The following ABCA13 variants were observed in gnomAD, a reference collection of about 807,000 sequenced individuals.
ABCA13 encodes ATP binding cassette subfamily A member 13, also known as ATP-binding cassette sub-family A member 13.
Under a neutral mutation model 478.7 loss-of-function variants are expected in ABCA13, and 476 were observed. The observed-to-expected ratio is 0.99, with a 90% CI of 0.92 to 1.07. The LOEUF is 1.07. Ranked by LOEUF, ABCA13 falls within the 50% of genes least tolerant of loss-of-function variation. The pLI, the probability that ABCA13 is intolerant of heterozygous loss-of-function variation, is 0.00. For synonymous variants in ABCA13, 2,252 were observed against 2,158.9 expected (o/e 1.04, Z -1.20); for missense variants, 6,060 against 5,910.6 (o/e 1.03, Z -0.83).
At chr7:48,312,314 C>T (rs55957312) in intron 24 of ABCA13, among the ~76,000 whole-genome samples, 5,940 of 152,258 alleles carry the variant, frequency 0.039, 358 homozygotes, top group African/African-American at 0.14. Flanking sequence ...GCTGGCATTT[C>T]CTCATTTATC....
chr7:48,331,623 A>G (rs761044404), intron 27 of ABCA13, among the ~76,000 whole-genome samples: 1 of 152,208 alleles, frequency 6.6e-6, no homozygotes, highest in Non-Finnish European at 1.5e-5. Flanking sequence ...AAAAACATGG[A>G]AAGATCGGTG....
At chr7:48,610,760 G>A (rs992154308) in intron 58 of ABCA13, among the ~76,000 whole-genome samples, 1 of 152,212 alleles carries the variant, frequency 6.6e-6, no homozygotes, top group Non-Finnish European at 1.5e-5. Context: ...AAGGCTTACT[G>A]CTTGCACTCT....
At chr7:48,199,474 G>A (rs1189764868) in intron 3 of ABCA13, among the ~76,000 whole-genome samples, 1 of 152,106 alleles carries the variant, frequency 6.6e-6, no homozygotes, top group Non-Finnish European at 1.5e-5. Context: ...TTTTATACGG[G>A]CACTAATCCT....
intron 58 of ABCA13, among the ~76,000 whole-genome samples, chr7:48,607,017 G>A (rs146944845): frequency 1.2e-3 from 178 of 152,274 alleles, no homozygotes; most frequent in African/African-American, 4.1e-3. Flanking sequence ...GGGTGAAACC[G>A]CGTACTGAAG....
chr7:48,645,402 T>G lies in ABCA13; in HGVS notation c.15082-15T>G. 6.5e-7 allele frequency: 1 copy of G among 1,544,036 alleles called. No individual in the cohort carries two copies. ...TATTCTTATAAGTAAACAACATTTT[T>G]ATGGTTTTTTTCAGGTATTTATTAA... On this transcript the variant is annotated splice_polypyrimidine_tract_variant and intron_variant, in intron 61 of 61. Coordinates refer to ENST00000435803, the MANE Select transcript of ABCA13 (RefSeq NM_152701.5).
Position 48,276,028 on chromosome 7 carries a change from A to T in ABCA13, c.6362A>T (p.Asp2121Val), listed in dbSNP as rs377487458. 1.9e-6 allele frequency: 3 copies of T among 1,610,130 alleles called. No homozygotes were observed. The African/African-American group carries it at 4.0e-5, about 22-fold the overall frequency. Residue 2121 changes from aspartate (D) to valine (V), a missense_variant, in exon 17 of 62, where the codon GAT becomes GTT. Asp to Val is a radical substitution (Grantham distance 152). Coordinates refer to ENST00000435803, the MANE Select transcript of ABCA13 (RefSeq NM_152701.5). ...TTGAAGACATTAGAAATTATTGAAG[A>T]TTTTCTATTGGTCACAAAAAACTGG... ...PSLKTLEIIE[D>V]FLLVTKNWLQ... is the part of the protein sequence containing the mutation.
intron 55 of ABCA13, among the ~76,000 whole-genome samples, chr7:48,557,044 T>C (rs2131233808): frequency 6.6e-6 from 1 of 152,210 alleles, no homozygotes; most frequent in African/African-American, 2.4e-5. Flanking sequence ...TTAACAGTGA[T>C]TGCATAAACA....
chr7:48,588,144 C>T (rs1246787676), intron 57 of ABCA13, among the ~76,000 whole-genome samples: 1 of 152,110 alleles, frequency 6.6e-6, no homozygotes, highest in Non-Finnish European at 1.5e-5. Flanking sequence ...ATGGTCTCAT[C>T]GTTTGCTGGT....
At chr7:48,429,762 A>G (rs1019657589) in intron 42 of ABCA13, among the ~76,000 whole-genome samples, 2 of 152,204 alleles carry the variant, frequency 1.3e-5, no homozygotes, top group Non-Finnish European at 2.9e-5. Context: ...GAGTGTTTTT[A>G]ATCATGAAAG....
At chr7:48,640,195 A>T (rs1795004391) in intron 59 of ABCA13, among the ~76,000 whole-genome samples, 1 of 152,158 alleles carries the variant, frequency 6.6e-6, no homozygotes, top group African/African-American at 2.4e-5. Context: ...AAATCAATGT[A>T]TTTGTTATAA....
chr7:48,591,768 AC>A (rs1198271739), intron 57 of ABCA13, among the ~76,000 whole-genome samples: 1 of 151,840 alleles, frequency 6.6e-6, no homozygotes, highest in Non-Finnish European at 1.5e-5. Context: ...TTTTCTGATA[AC>A]CCATTGTTAT....
At chr7:48,299,959 A>G (rs76320183) in intron 23 of ABCA13, among the ~76,000 whole-genome samples, 2,785 of 152,322 alleles carry the variant, frequency 0.018, 79 homozygotes, top group African/African-American at 0.063. Context: ...TGGGAGGAGT[A>G]TTTAAAAAGT....
At chr7:48,541,714 A>G (rs1366564615) in intron 55 of ABCA13, among the ~76,000 whole-genome samples, 1 of 107,698 alleles carries the variant, frequency 9.3e-6, no homozygotes, top group African/African-American at 6.0e-5. Flanking sequence ...GAGAAGAAAA[A>G]GAGATATATA....
intron 56 of ABCA13, 105 bp from the exon 57 acceptor site, chr7:48,587,046 GGTC>G: frequency 7.0e-7 from 1 of 1,431,788 alleles, no homozygotes; most frequent in Middle Eastern, 2.4e-4. Context: ...TATGTGTGAA[GGTC>G]GGCAGGGTTA....
intron 3 of ABCA13, among the ~76,000 whole-genome samples, chr7:48,199,922 C>T (rs1283712153): frequency 6.6e-6 from 1 of 152,142 alleles, no homozygotes; most frequent in African/African-American, 2.4e-5. Flanking sequence ...ATTAATTGAC[C>T]TCTTTGAATC....
chr7:48,622,490 A>G (rs1490106717), intron 59 of ABCA13, among the ~76,000 whole-genome samples: 1 of 152,118 alleles, frequency 6.6e-6, no homozygotes, highest in Non-Finnish European at 1.5e-5. Context: ...AAATCTGTAG[A>G]GTGTGTCCTA....
intron 52 of ABCA13, 63 bp from the exon 53 acceptor site, chr7:48,519,978 G>A (rs1832422680): frequency 2.7e-6 from 4 of 1,473,218 alleles, no homozygotes; most frequent in South Asian, 1.4e-5. Context: ...GAAGTTATTG[G>A]TATATATTAT....
Position 48,295,861 on chromosome 7 carries a change from C to T in ABCA13, c.9117C>T (p.Tyr3039=), listed in dbSNP as rs1365042474. Residue 3039 remains tyrosine (Y), a splice_region_variant and synonymous_variant, in exon 21 of 62, where the codon TAC becomes TAT. Transcript: ENST00000435803. ...PRLETVQQHL[Y]MLAKSLEETW... is the part of the protein sequence containing the mutation. ...TGGAGACGGTGCAGCAGCACTTGTACATGTATGCTCTGATATTCTTTCATG... is the reference window on the plus strand; with the variant it reads ...TGGAGACGGTGCAGCAGCACTTGTATATGTATGCTCTGATATTCTTTCATG... 6.2e-7 allele frequency: 1 copy of T among 1,600,562 alleles called. No individual in the cohort carries two copies. Among genetic ancestry groups the T allele is most frequent in the South Asian group, 1.1e-5 (1 of 89,428 alleles).
At chr7:48,516,397 A>G (rs1832112534) in intron 51 of ABCA13, among the ~76,000 whole-genome samples, 1 of 152,108 alleles carries the variant, frequency 6.6e-6, no homozygotes, top group African/African-American at 2.4e-5. Context: ...GTGAGTTACC[A>G]AATTGACTGT....
Sources: gnomAD v4.1 joint callset for allele counts (sites outside exome capture counted in the v4.1 genomes callset) on GRCh38, gnomAD v4.1.1 for gene constraint, MANE v1.5 for transcripts, NCBI Gene and HGNC (gene_info 2026-07-23, HGNC 2026-07-21) for gene names.